PLCB4: variants seen among roughly 807,000 people sequenced by gnomAD.
The protein encoded by PLCB4 is 1-phosphatidylinositol 4,5-bisphosphate phosphodiesterase beta-4.
In PLCB4, 77 loss-of-function variants were observed where a neutral mutation model predicts 178.8. That is an observed-to-expected ratio of 0.43 (90% CI 0.36 to 0.52). The LOEUF (loss-of-function observed/expected upper bound fraction) is 0.52. Ranked by LOEUF, PLCB4 falls within the 20% of genes least tolerant of loss-of-function variation. The probability of loss-of-function intolerance (pLI) is 0.00; values close to 1 mark genes in which losing one functional copy is unlikely to be tolerated. For missense variants in PLCB4, 1,024 were observed against 1,453.4 expected (o/e 0.70, Z 4.80); for synonymous variants, 496 against 490.8 (o/e 1.01, Z -0.14).
intron 3 of PLCB4, among the ~76,000 whole-genome samples, chr20:9,293,017 T>G (rs2094594283): frequency 1.3e-5 from 2 of 152,132 alleles, no homozygotes; most frequent in South Asian, 4.2e-4. Context: ...AAGCAGAGGT[T>G]GCAGTGAGGC....
At chr20:9,303,664 C>T (rs1476973312) in intron 3 of PLCB4, among the ~76,000 whole-genome samples, 1 of 152,098 alleles carries the variant, frequency 6.6e-6, no homozygotes, top group Non-Finnish European at 1.5e-5. Context: ...GCAGATATCT[C>T]TTTGACCTAC....
intron 19 of PLCB4, among the ~76,000 whole-genome samples, chr20:9,396,602 G>A (rs927945842): frequency 9.2e-5 from 14 of 152,320 alleles, no homozygotes; most frequent in African/African-American, 3.4e-4. Flanking sequence ...CATGAGAATT[G>A]ATGAACGAAA....
chr20:9,196,297 G>C (rs1368555886), intron 2 of PLCB4, among the ~76,000 whole-genome samples: 1 of 152,190 alleles, frequency 6.6e-6, no homozygotes, highest in East Asian at 1.9e-4. Flanking sequence ...CAATGGAATA[G>C]GAGGGCCATA....
intron 2 of PLCB4, among the ~76,000 whole-genome samples, chr20:9,111,140 C>A (rs1404981427): frequency 6.6e-6 from 1 of 152,136 alleles, no homozygotes; most frequent in African/African-American, 2.4e-5. Context: ...CAGACACCCC[C>A]CTCAGGGATG....
At chr20:9,424,917 A>T (rs2148587318) in intron 28 of PLCB4, among the ~76,000 whole-genome samples, 1 of 152,288 alleles carries the variant, frequency 6.6e-6, no homozygotes, top group South Asian at 2.1e-4. Context: ...GCTTCTGTGG[A>T]GGGCAGATTT....
chr20:9,177,484 C>T (rs1259541176), intron 2 of PLCB4, among the ~76,000 whole-genome samples: 2 of 152,094 alleles, frequency 1.3e-5, no homozygotes, highest in East Asian at 1.9e-4. Context: ...TCTAAAATAG[C>T]GGTAGGCTTG....
chr20:9,197,804 C>T (rs919502392), intron 2 of PLCB4, among the ~76,000 whole-genome samples: 30 of 152,060 alleles, frequency 2.0e-4, no homozygotes, highest in African/African-American at 6.8e-4. Context: ...GGTGAAACCC[C>T]GTTTCTACTA....
intron 4 of PLCB4, among the ~76,000 whole-genome samples, chr20:9,314,340 G>A (rs2094874306): frequency 6.6e-6 from 1 of 152,188 alleles, no homozygotes; most frequent in African/African-American, 2.4e-5. Context: ...GGAGGGTAGT[G>A]TTGGGCTTGA....
At chr20:9,350,788 G>A (rs1321678193) in intron 7 of PLCB4, among the ~76,000 whole-genome samples, 1 of 152,030 alleles carries the variant, frequency 6.6e-6, no homozygotes, top group Non-Finnish European at 1.5e-5. Flanking sequence ...CAAACTCCTG[G>A]CCTCAAGTGA....
At chr20:9,320,567 T>C (rs559000073) in intron 4 of PLCB4, among the ~76,000 whole-genome samples, 1 of 152,318 alleles carries the variant, frequency 6.6e-6, no homozygotes, top group African/African-American at 2.4e-5. Context: ...TACCCAGCCC[T>C]GTTCAAGATG....
intron 3 of PLCB4, among the ~76,000 whole-genome samples, chr20:9,278,181 G>C (rs1477961689): frequency 6.6e-6 from 1 of 151,986 alleles, no homozygotes; most frequent in Non-Finnish European, 1.5e-5. Context: ...GGTGGATAGG[G>C]AAGAGGTGGC....
At chr20:9,301,073 C>G (rs142742525) in intron 3 of PLCB4, among the ~76,000 whole-genome samples, 1 of 151,366 alleles carries the variant, frequency 6.6e-6, no homozygotes, top group Admixed American at 6.6e-5. Flanking sequence ...CCTCCGTAGT[C>G]GCATTTCCTC....
intron 28 of PLCB4, among the ~76,000 whole-genome samples, chr20:9,434,716 G>GAA (rs11389211): frequency 1.3e-5 from 2 of 151,290 alleles, no homozygotes; most frequent in East Asian, 3.9e-4. Context: ...AAAAGGAAAA[G>GAA]AAAAAAAAAT....
intron 4 of PLCB4, among the ~76,000 whole-genome samples, chr20:9,334,878 T>G (rs1601912900): frequency 6.6e-6 from 1 of 152,084 alleles, no homozygotes; most frequent in East Asian, 1.9e-4. Context: ...CAGGTGGTAA[T>G]GGCAAGCTCT....
intron 7 of PLCB4, among the ~76,000 whole-genome samples, chr20:9,341,172 A>T (rs1193425326): frequency 1.3e-5 from 2 of 151,994 alleles, no homozygotes. Flanking sequence ...TGCTTTCCAT[A>T]ATTTGGTTGC....
chr20:9,098,718 T>C (rs1295660821), intron 2 of PLCB4, among the ~76,000 whole-genome samples: 3 of 136,358 alleles, frequency 2.2e-5, no homozygotes, highest in Non-Finnish European at 4.6e-5. Flanking sequence ...CATATATACG[T>C]GTGTGTGTAT....
chr20:9,371,058 GT>G (rs2036213001), intron 9 of PLCB4, 155 bp from the exon 10 acceptor site: 2 of 613,136 alleles, frequency 3.3e-6, no homozygotes, highest in Non-Finnish European at 5.9e-6. Flanking sequence ...GGAGGAACTA[GT>G]TTGGGAAATG....
chr20:9,272,046 AT>A (rs927906508), intron 3 of PLCB4, among the ~76,000 whole-genome samples: 4 of 151,712 alleles, frequency 2.6e-5, no homozygotes, highest in Non-Finnish European at 5.9e-5. Flanking sequence ...GCGTGGTGGC[AT>A]GCACCTAATA....
At chr20:9,341,485 G>GA (rs2033190319) in intron 7 of PLCB4, among the ~76,000 whole-genome samples, 1 of 151,972 alleles carries the variant, frequency 6.6e-6, no homozygotes, top group African/African-American at 2.4e-5. Flanking sequence ...TCATAAGGAA[G>GA]AAAAAATATA....
Sources: gnomAD v4.1 joint callset for allele counts (sites outside exome capture counted in the v4.1 genomes callset) on GRCh38, gnomAD v4.1.1 for gene constraint, MANE v1.5 for transcripts, NCBI Gene and HGNC (gene_info 2026-07-23, HGNC 2026-07-21) for gene names.